The following PALD1 variants were observed in gnomAD, a reference collection of about 807,000 sequenced individuals.
PALD1 encodes the protein paladin.
Under a neutral mutation model 96.0 loss-of-function variants are expected in PALD1, and 57 were observed. That is an observed-to-expected ratio of 0.59 (90% CI 0.48 to 0.74). PALD1 has a LOEUF of 0.74. Ranked by LOEUF, PALD1 falls within the 30% of genes least tolerant of loss-of-function variation. The pLI is 0.00. For missense variants in PALD1, 1,063 were observed against 1,143.7 expected (o/e 0.93, Z 1.02); for synonymous variants, 464 against 473.6 (o/e 0.98, Z 0.26).
At position 70,526,112 on chromosome 10, in the gene PALD1, A is replaced by G; in HGVS notation, c.161A>G (p.Asn54Ser). Residue 54 changes from asparagine to serine, a missense_variant, in exon 2 of 20, where the codon AAC (asparagine) becomes AGC (serine). Physicochemically the swap from Asn to Ser is conservative, Grantham distance 46 (BLOSUM62 1). Coordinates refer to ENST00000263563, the MANE Select transcript of PALD1 (RefSeq NM_014431.3). ...HNSKAKSIIP[N>S]KVAPVVITYN... Reference sequence around the variant, plus strand: ...AGCAAGGCCAAGTCCATCATCCCCAACAAGGTGGCCCCTGTTGTGATCACG... The same window carrying G: ...AGCAAGGCCAAGTCCATCATCCCCAGCAAGGTGGCCCCTGTTGTGATCACG... 1.2e-6 allele frequency: 2 copies of G among 1,614,074 alleles called. No individual in the cohort carries two copies. Among genetic ancestry groups the G allele is most frequent in the Non-Finnish European group, 1.7e-6 (2 of 1,179,958 alleles).
chr10:70,542,609 T>G (rs1248390897), intron 17 of PALD1, among the ~76,000 whole-genome samples: 1 of 152,256 alleles, frequency 6.6e-6, no homozygotes, highest in Non-Finnish European at 1.5e-5. Flanking sequence ...TGTCAGAATT[T>G]CTTTCCTTTT....
chr10:70,489,631 C>T (rs1289100495), intron 1 of PALD1, among the ~76,000 whole-genome samples: 1 of 152,152 alleles, frequency 6.6e-6, no homozygotes, highest in Admixed American at 6.5e-5. Flanking sequence ...CTCAGTGCTG[C>T]TCAAATGTGG....
the PALD1 span, among the ~76,000 whole-genome samples, chr10:70,462,968 A>G: frequency 3.3e-5 from 5 of 152,178 alleles, no homozygotes; most frequent in Admixed American, 3.3e-4. Flanking sequence ...GCCTGGGGAC[A>G]TGCCCCATTG....
chr10:70,541,671 G>T, intron 17 of PALD1, 137 bp downstream of exon 17: 1 of 681,608 alleles, frequency 1.5e-6, no homozygotes. Context: ...GTGCTTCCCT[G>T]TTCCCATTTT....
At chr10:70,565,774 C>T (rs1283490810) in intron 19 of PALD1, among the ~76,000 whole-genome samples, 1 of 152,096 alleles carries the variant, frequency 6.6e-6, no homozygotes, top group Non-Finnish European at 1.5e-5. Context: ...CTCTGCGAGC[C>T]CCTGGGGAGG....
At chr10:70,531,645 G>C (rs1846994143) in intron 5 of PALD1, among the ~76,000 whole-genome samples, 191 bp downstream of exon 5, 1 of 152,098 alleles carries the variant, frequency 6.6e-6, no homozygotes, top group Admixed American at 6.5e-5. Flanking sequence ...AGCTCTCTTT[G>C]CCTCTGCCCC....
chr10:70,561,437 G>T (rs1427370082), intron 18 of PALD1, among the ~76,000 whole-genome samples: 1 of 152,240 alleles, frequency 6.6e-6, no homozygotes, highest in East Asian at 1.9e-4. Flanking sequence ...AGCAGCCTAA[G>T]GGGTGGGGTG....
chr10:70,481,302 A>G (rs1845927373), intron 1 of PALD1, among the ~76,000 whole-genome samples: 1 of 152,198 alleles, frequency 6.6e-6, no homozygotes, highest in Non-Finnish European at 1.5e-5. Context: ...CGAGGCGTGC[A>G]TTGCCTGGTT....
chr10:70,497,512 C>A (rs528754770), intron 1 of PALD1, among the ~76,000 whole-genome samples: 1 of 152,176 alleles, frequency 6.6e-6, no homozygotes, highest in Non-Finnish European at 1.5e-5. Context: ...CTCCATCTCT[C>A]CATCCTGAGC....
chr10:70,530,177 G>A, intron 4 of PALD1, 109 bp downstream of exon 4: 1 of 931,106 alleles, frequency 1.1e-6, no homozygotes, highest in Non-Finnish European at 1.6e-6. Context: ...ATGCTGGAGA[G>A]GTGGGGTAGT....
At chr10:70,469,687 G>C in the PALD1 span, among the ~76,000 whole-genome samples, 1 of 152,050 alleles carries the variant, frequency 6.6e-6, no homozygotes, top group Non-Finnish European at 1.5e-5. Flanking sequence ...GACTGAGTCA[G>C]GTCATGAGTT....
At chr10:70,563,157 T>A (rs1847775834) in intron 18 of PALD1, among the ~76,000 whole-genome samples, 1 of 152,172 alleles carries the variant, frequency 6.6e-6, no homozygotes, top group South Asian at 2.1e-4. Flanking sequence ...GTTCCTCATG[T>A]TTCTCATGGA....
chr10:70,499,111 A>G (rs966920484), intron 1 of PALD1, among the ~76,000 whole-genome samples: 1 of 152,112 alleles, frequency 6.6e-6, no homozygotes, highest in Non-Finnish European at 1.5e-5. Flanking sequence ...TATTTTACAC[A>G]TAAGGGAACT....
At chr10:70,519,046 G>T (rs1412798513) in intron 1 of PALD1, among the ~76,000 whole-genome samples, 2 of 152,206 alleles carry the variant, frequency 1.3e-5, no homozygotes, top group Admixed American at 1.3e-4. Context: ...GTGAATGGGG[G>T]CATATCACTC....
chr10:70,489,699 A>G (rs61859466), intron 1 of PALD1, among the ~76,000 whole-genome samples: 17,311 of 152,114 alleles, frequency 0.11, 1,148 homozygotes, highest in African/African-American at 0.18. Context: ...ATGCTGTACA[A>G]TTCACTCATT....
chr10:70,545,762 G>C (rs1016151562), intron 17 of PALD1, among the ~76,000 whole-genome samples: 2 of 151,804 alleles, frequency 1.3e-5, no homozygotes, highest in African/African-American at 2.4e-5. Flanking sequence ...TATCAGATGA[G>C]TGGTGTCCAA....
At chr10:70,518,146 G>A (rs1314502669) in intron 1 of PALD1, among the ~76,000 whole-genome samples, 4 of 151,958 alleles carry the variant, frequency 2.6e-5, no homozygotes, top group Non-Finnish European at 5.9e-5. Context: ...CAGGTGATCC[G>A]CCCGCCTCGG....
chr10:70,509,535 G>A (rs1270378515), intron 1 of PALD1, among the ~76,000 whole-genome samples: 1 of 152,214 alleles, frequency 6.6e-6, no homozygotes, highest in East Asian at 1.9e-4. Flanking sequence ...ATGTACTTAG[G>A]AAACACCAGG....
At chr10:70,537,414 T>G (rs1267855394) in intron 10 of PALD1, among the ~76,000 whole-genome samples, 2 of 152,184 alleles carry the variant, frequency 1.3e-5, no homozygotes, top group African/African-American at 4.8e-5. Context: ...AGGTTCCAGT[T>G]CTTAAGGGAG....
Sources: allele counts gnomAD v4.1 joint callset (sites outside exome capture counted in the v4.1 genomes callset), GRCh38; gene constraint gnomAD v4.1.1; transcripts MANE v1.5; gene names NCBI Gene and HGNC (gene_info 2026-07-23, HGNC 2026-07-21).